Variants in HPSE2 observed in about 807,000 individuals in gnomAD.
HPSE2 encodes inactive heparanase-2.
A neutral mutation model predicts 60.5 loss-of-function variants in HPSE2; 38 were observed. The observed-to-expected ratio is 0.63, with a 90% CI of 0.48 to 0.82. HPSE2 has a LOEUF of 0.82. Among genes scored for constraint, HPSE2 ranks in the 40% least tolerant of loss-of-function variants. HPSE2 has a pLI of 0.00. For synonymous variants in HPSE2, 295 were observed against 293.2 expected (o/e 1.01, Z -0.06); for missense variants, 713 against 740.4 (o/e 0.96, Z 0.43).
chr10:98,732,851 G>C (rs897476618), intron 4 of HPSE2, among the ~76,000 whole-genome samples: 2 of 151,996 alleles, frequency 1.3e-5, no homozygotes, highest in Non-Finnish European at 1.5e-5. Context: ...AAAATTATTT[G>C]CAAATCATAT....
intron 3 of HPSE2, among the ~76,000 whole-genome samples, chr10:98,955,995 T>C (rs1041987845): frequency 1.3e-5 from 2 of 152,024 alleles, no homozygotes; most frequent in Non-Finnish European, 2.9e-5. Flanking sequence ...AAACAGTTGA[T>C]GAATGTGGGC....
intron 2 of HPSE2, among the ~76,000 whole-genome samples, chr10:99,183,622 T>C (rs1260933075): frequency 1.3e-5 from 2 of 152,178 alleles, no homozygotes; most frequent in Non-Finnish European, 2.9e-5. Context: ...GGGTGATGGA[T>C]TTGATGCTGA....
chr10:98,803,193 T>C (rs1355570711), intron 3 of HPSE2, among the ~76,000 whole-genome samples: 6 of 151,370 alleles, frequency 4.0e-5, no homozygotes, highest in Non-Finnish European at 5.9e-5. Flanking sequence ...GCAAATTTGT[T>C]TGAGTTCATT....
intron 7 of HPSE2, among the ~76,000 whole-genome samples, chr10:98,640,685 C>T (rs768503344): frequency 2.0e-5 from 3 of 152,076 alleles, no homozygotes; most frequent in South Asian, 2.1e-4. Flanking sequence ...TTAATCCGCT[C>T]GAGAAATAGC....
chr10:98,496,602 A>AG, intron 9 of HPSE2, among the ~76,000 whole-genome samples: 1 of 152,214 alleles, frequency 6.6e-6, no homozygotes, highest in Non-Finnish European at 1.5e-5. Context: ...GCTGAAATTG[A>AG]CCAAAATTAA....
chr10:98,936,164 G>A (rs1359706469), intron 3 of HPSE2, among the ~76,000 whole-genome samples: 1 of 144,190 alleles, frequency 6.9e-6, no homozygotes. Context: ...CTGGGAATTC[G>A]ATCCCCCCAG....
intron 2 of HPSE2, among the ~76,000 whole-genome samples, chr10:99,186,772 A>T (rs1848046362): frequency 6.6e-6 from 1 of 152,116 alleles, no homozygotes; most frequent in Non-Finnish European, 1.5e-5. Flanking sequence ...CAGAAGGAAT[A>T]TATGTCAAAA....
intron 9 of HPSE2, among the ~76,000 whole-genome samples, chr10:98,569,911 A>T (rs952489087): frequency 6.6e-6 from 1 of 152,098 alleles, no homozygotes; most frequent in South Asian, 2.1e-4. Context: ...AACTGCCACA[A>T]ATTAAACTTC....
chr10:99,263,531 G>C, the HPSE2 span, among the ~76,000 whole-genome samples: 1 of 152,162 alleles, frequency 6.6e-6, no homozygotes, highest in Non-Finnish European at 1.5e-5. Context: ...GTCATTCACT[G>C]CAAGGGCCAT....
At chr10:98,908,683 CAAAA>C (rs35913499) in intron 3 of HPSE2, among the ~76,000 whole-genome samples, 77 of 66,118 alleles carry the variant, frequency 1.2e-3, no homozygotes, top group African/African-American at 4.3e-3. Context: ...AGCTCCATCT[CAAAA>C]AAAAAAAAAA....
chr10:98,588,784 A>G (rs886363651), intron 9 of HPSE2, among the ~76,000 whole-genome samples: 1 of 152,030 alleles, frequency 6.6e-6, no homozygotes, highest in African/African-American at 2.4e-5. Context: ...CCAGTAAGTA[A>G]CCAGATGATA....
intron 11 of HPSE2, chr10:98,461,744 G>A (rs753606981): frequency 7.7e-6 from 12 of 1,552,860 alleles, no homozygotes; most frequent in Non-Finnish European, 1.1e-5. Flanking sequence ...AGAATTAGGT[G>A]CAAACCTTTC....
chr10:98,685,272 T>C (rs930594640), intron 6 of HPSE2, among the ~76,000 whole-genome samples: 1 of 152,210 alleles, frequency 6.6e-6, no homozygotes, highest in Admixed American at 6.5e-5. Flanking sequence ...CTTTTTCTTA[T>C]GCAATTTTAC....
intron 10 of HPSE2, among the ~76,000 whole-genome samples, chr10:98,488,675 G>A (rs1308234143): frequency 6.6e-6 from 1 of 152,188 alleles, no homozygotes; most frequent in Non-Finnish European, 1.5e-5. Context: ...TCGAGTCTGG[G>A]GGTCCACCTT....
rs373709519 is a variant in HPSE2, at chr10:99,019,652, T to C, written c.610+124586A>G. On this transcript the variant is annotated intron_variant, in intron 3 of 11. Transcript: ENST00000370552. ...TGCTTCCAGTTTCTTCAGGTGGTTT[T>C]CCCCCTCTCAAATACAACGGCAGGT... 2.6e-5 allele frequency among the ~76,000 whole-genome samples: 4 copies of C among 152,214 alleles called. No individual in the cohort carries two copies. In the East Asian group the frequency reaches 5.8e-4, roughly 22 times the overall value.
intron 3 of HPSE2, among the ~76,000 whole-genome samples, chr10:99,090,014 C>G (rs751806079): frequency 1.3e-5 from 2 of 152,156 alleles, no homozygotes; most frequent in Admixed American, 1.3e-4. Context: ...GATTTGTATA[C>G]ATTAATTTTG....
At chr10:99,052,388 A>C (rs1249075735) in intron 3 of HPSE2, among the ~76,000 whole-genome samples, 1 of 152,088 alleles carries the variant, frequency 6.6e-6, no homozygotes, top group Non-Finnish European at 1.5e-5. Flanking sequence ...CACAGAGAAA[A>C]AAAGACAGGA....
At position 98,782,880 on chromosome 10, in the gene HPSE2, T is replaced by C. The variant is rs1423656156; in HGVS notation, c.611-38824A>G. On this transcript the variant is annotated intron_variant, in intron 3 of 11. Coordinates refer to ENST00000370552, the MANE Select transcript of HPSE2 (RefSeq NM_021828.5). ...AATTTTTGATGAAGAGTTAGAATAA[T>C]GGGTTGAGTGGGTCTACTTCCCTGT... Among the ~76,000 whole-genome samples, 7 of 138,238 alleles carry C rather than the reference T, an allele frequency of 5.1e-5. No homozygotes were observed. In the East Asian group the frequency reaches 1.0e-3, roughly 21 times the overall value. 90.7% of individuals were successfully genotyped at this position (138,238 alleles called of 152,430 possible).
chr10:98,987,997 AT>A (rs1956413555), intron 3 of HPSE2, among the ~76,000 whole-genome samples: 1 of 152,204 alleles, frequency 6.6e-6, no homozygotes, highest in African/African-American at 2.4e-5. Context: ...ATAAAATAGG[AT>A]ACAAACAAAT....
Sources: gnomAD v4.1 joint callset for allele counts (sites outside exome capture counted in the v4.1 genomes callset) on GRCh38, gnomAD v4.1.1 for gene constraint, MANE v1.5 for transcripts, NCBI Gene and HGNC (gene_info 2026-07-23, HGNC 2026-07-21) for gene names.